Variants in SENP5 observed in about 807,000 individuals in gnomAD.
The protein encoded by SENP5 is sentrin-specific protease 5.
SENP5 carries 21 observed loss-of-function variants against 74.2 expected under a neutral mutation model. The observed-to-expected ratio is 0.28, with a 90% CI of 0.20 to 0.41. The LOEUF (loss-of-function observed/expected upper bound fraction) is 0.41, where lower values mean the gene tolerates loss of function less well. Among genes scored for constraint, SENP5 ranks in the 10% least tolerant of loss-of-function variants. The pLI is 1.00. For synonymous variants in SENP5, 311 were observed against 312.7 expected, an observed-to-expected ratio of 0.99 and a Z score of 0.06; for missense variants, 717 against 889.1, an observed-to-expected ratio of 0.81 and a Z score of 2.46.
chr3:196,912,276 A>G (rs1178505518), intron 6 of SENP5, among the ~76,000 whole-genome samples: 1 of 152,240 alleles, frequency 6.6e-6, no homozygotes, highest in African/African-American at 2.4e-5. Flanking sequence ...TTGAAGGGAC[A>G]AGGATGAAGC....
chr3:196,869,589 C>G (rs993955217), intron 1 of SENP5, among the ~76,000 whole-genome samples: 6 of 151,176 alleles, frequency 4.0e-5, no homozygotes, highest in African/African-American at 1.5e-4. Flanking sequence ...GGTGAAACCC[C>G]ATCTCTACTA....
chr3:196,874,663 C>G (rs1350123691), intron 1 of SENP5, among the ~76,000 whole-genome samples: 1 of 152,106 alleles, frequency 6.6e-6, no homozygotes, highest in African/African-American at 2.4e-5. Context: ...GGTGGATCAC[C>G]TGAGGTCAGA....
chr3:196,930,984 C>A lies in SENP5; in HGVS notation c.*61C>A. On this transcript the variant is annotated 3_prime_UTR_variant, in exon 10 of 10. Coordinates refer to ENST00000323460, the MANE Select transcript of SENP5 (RefSeq NM_152699.5). ...GGAGCAGATGGTTTGTTACTTGAATCTCCAAACACTTAGTTGAATTTTTAC... is the reference window on the plus strand; with the variant it reads ...GGAGCAGATGGTTTGTTACTTGAATATCCAAACACTTAGTTGAATTTTTAC... The A allele has an allele frequency of 9.9e-7, 1 of 1,007,772 alleles. No homozygotes were observed. The allele number at this position is 1,007,772 out of a possible 1,614,324, so 62.4% of individuals were successfully genotyped here.
intron 1 of SENP5, among the ~76,000 whole-genome samples, chr3:196,873,732 C>G (rs962708039): frequency 4.0e-5 from 6 of 151,786 alleles, no homozygotes; most frequent in Non-Finnish European, 8.8e-5. Flanking sequence ...CCCAGCTACT[C>G]GGGAGGCTGA....
chr3:196,927,731 G>A (rs1715872192), intron 7 of SENP5, 65 bp from the exon 8 acceptor site: 4 of 914,426 alleles, frequency 4.4e-6, no homozygotes, highest in Admixed American at 1.8e-5. Context: ...GTCTGCTATG[G>A]GCATGTTCCA....
chr3:196,879,729 T>C (rs1226818871), intron 1 of SENP5, among the ~76,000 whole-genome samples: 3 of 152,190 alleles, frequency 2.0e-5, no homozygotes, highest in Non-Finnish European at 4.4e-5. Context: ...GAGGTAAATA[T>C]TTTGATAACT....
intron 2 of SENP5, among the ~76,000 whole-genome samples, chr3:196,894,534 CT>C (rs200741660): frequency 0.012 from 1,747 of 141,506 alleles, 38 homozygotes; most frequent in African/African-American, 0.04. Context: ...GTTGCGAGTT[CT>C]TTTTTTTTTT....
intron 6 of SENP5, among the ~76,000 whole-genome samples, chr3:196,920,476 G>A (rs914494552): frequency 8.5e-5 from 13 of 152,148 alleles, no homozygotes; most frequent in African/African-American, 1.2e-4. Flanking sequence ...ACACTTATAA[G>A]TAGTGACAGT....
At chr3:196,889,193 TA>T (rs1220011582) in intron 2 of SENP5, among the ~76,000 whole-genome samples, 41 of 144,972 alleles carry the variant, frequency 2.8e-4, no homozygotes, top group Admixed American at 4.2e-4. Context: ...CCTAGCAAAT[TA>T]AAAAAAAAAA....
chr3:196,921,274 A>G (rs1159278403), intron 6 of SENP5, among the ~76,000 whole-genome samples: 1 of 152,198 alleles, frequency 6.6e-6, no homozygotes, highest in East Asian at 1.9e-4. Flanking sequence ...GTTTATGTAC[A>G]TTGACCCATC....
At chr3:196,888,697 A>G (rs80306430) in intron 2 of SENP5, among the ~76,000 whole-genome samples, 2,523 of 152,252 alleles carry the variant, frequency 0.017, 60 homozygotes, top group African/African-American at 0.051. Context: ...ATATGTGTGC[A>G]TATGCATTTG....
intron 2 of SENP5, among the ~76,000 whole-genome samples, chr3:196,897,502 A>G (rs1268889567): frequency 6.6e-6 from 1 of 152,208 alleles, no homozygotes; most frequent in Non-Finnish European, 1.5e-5. Flanking sequence ...CTTTGCTCCT[A>G]TGTTAAGCCT....
intron 2 of SENP5, among the ~76,000 whole-genome samples, chr3:196,896,307 G>A (rs1183935306): frequency 1.3e-5 from 2 of 152,176 alleles, no homozygotes; most frequent in Non-Finnish European, 2.9e-5. Context: ...TTCTTGCTTT[G>A]TAAGTGGCAT....
intron 1 of SENP5, among the ~76,000 whole-genome samples, chr3:196,883,542 C>T (rs759757375): frequency 4.6e-5 from 7 of 152,174 alleles, no homozygotes; most frequent in African/African-American, 1.4e-4. Flanking sequence ...TCATCTGCCA[C>T]GGTAGGAGAT....
intron 6 of SENP5, among the ~76,000 whole-genome samples, chr3:196,915,868 C>T (rs779274902): frequency 4.7e-4 from 71 of 152,202 alleles, no homozygotes; most frequent in Non-Finnish European, 1.8e-4. Flanking sequence ...AGTGCAGATA[C>T]GGCTGCAGTG....
At position 196,886,405 on chromosome 3, in the gene SENP5, TGAC is replaced by T. The variant is rs1485758593; in HGVS notation, c.1225_1227del (p.Asp409del). ...AAAATCAGACAAGTTCTGTCAGTGA[TGAC>T]AGAGTAAAACTGTCAGTGTCTGGAG... On this transcript the variant is annotated inframe_deletion, in exon 2 of 10. Transcript: ENST00000323460. The T allele has an allele frequency of 5.6e-6, 9 of 1,612,486 alleles. No homozygotes were observed. The highest frequency in any genetic ancestry group is 6.8e-6 in the Non-Finnish European group (8 of 1,178,986).
At chr3:196,869,625 T>A (rs1000612207) in intron 1 of SENP5, among the ~76,000 whole-genome samples, 3 of 151,208 alleles carry the variant, frequency 2.0e-5, no homozygotes, top group Non-Finnish European at 4.4e-5. Context: ...CCAGGCGTGG[T>A]GGCGCATGCC....
intron 1 of SENP5, among the ~76,000 whole-genome samples, chr3:196,881,701 C>T (rs1203653025): frequency 6.6e-6 from 1 of 151,490 alleles, no homozygotes; most frequent in African/African-American, 2.4e-5. Context: ...TCTAATTTAT[C>T]AGCTGTCTTT....
intron 6 of SENP5, among the ~76,000 whole-genome samples, chr3:196,904,021 T>C (rs1480327668): frequency 1.3e-5 from 2 of 152,264 alleles, no homozygotes; most frequent in African/African-American, 2.4e-5. Flanking sequence ...TCCTGTCTCT[T>C]AAAATGTTAA....
Sources: gnomAD v4.1 joint callset for allele counts (sites outside exome capture counted in the v4.1 genomes callset) on GRCh38, gnomAD v4.1.1 for gene constraint, MANE v1.5 for transcripts, NCBI Gene and HGNC (gene_info 2026-07-23, HGNC 2026-07-21) for gene names.